Variants in FSIP2 observed in about 807,000 individuals in gnomAD.
FSIP2 encodes the protein fibrous sheath interacting protein 2, also known as fibrous sheath-interacting protein 2.
Under a neutral mutation model 510.5 loss-of-function variants are expected in FSIP2, and 367 were observed. That is an observed-to-expected ratio of 0.72 (90% CI 0.66 to 0.78). FSIP2 has a LOEUF of 0.78. Ranked by LOEUF, FSIP2 falls within the 30% of genes least tolerant of loss-of-function variation. The probability of loss-of-function intolerance (pLI) is 0.00; values close to 1 mark genes in which losing one functional copy is unlikely to be tolerated. For synonymous variants in FSIP2, 2,601 were observed against 2,732.2 expected (o/e 0.95, Z 1.50); for missense variants, 7,594 against 7,901.7 (o/e 0.96, Z 1.48).
Position 185,792,002 on chromosome 2 carries a change from A to T in FSIP2, c.4866A>T (p.Glu1622Asp). The T allele has an allele frequency of 6.5e-7, 1 of 1,533,922 alleles. No individual in the cohort carries two copies. The highest frequency in any genetic ancestry group is 8.7e-7 in the Non-Finnish European group (1 of 1,145,382). Residue 1622 changes from glutamate (E) to aspartate (D), a missense_variant, in exon 16 of 23, where the codon GAA becomes GAT. By Grantham distance (45) the Glu-to-Asp change is conservative. Coordinates refer to ENST00000424728, the MANE Select transcript of FSIP2 (RefSeq NM_173651.4). ...KKSNKIGWEY[E>D]STNISRDTHE... ...GCAATAAGATAGGCTGGGAATATGA[A>T]AGCACCAATATTTCCAGAGACACAC...
At position 185,761,037 on chromosome 2, in the gene FSIP2, T is replaced by C; in HGVS notation, c.1128T>C (p.Phe376=). The C allele has an allele frequency of 6.6e-7, 1 of 1,510,708 alleles. No homozygotes were observed. Among genetic ancestry groups the C allele is most frequent in the African/African-American group, 1.4e-5 (1 of 71,852 alleles). The allele number at this position is 1,510,708 out of a possible 1,614,324, so 93.6% of individuals were successfully genotyped here. The change falls in exon 10 of 23, where the codon TTT becomes TTC. Residue 376 remains phenylalanine (F), a synonymous_variant. Transcript: ENST00000424728. The part of the protein sequence containing the change: ...AHQRQNSSNN[F]TKKNSASVVY... ...AGCGTCAAAATAGTTCAAATAATTT[T>C]ACGAAAAAAAACTCAGCTTCTGTTG... is the stretch of plus-strand genomic sequence containing the variant.
chr2:185,824,062 T>C (rs1339455795), intron 19 of FSIP2, among the ~76,000 whole-genome samples: 2 of 151,768 alleles, frequency 1.3e-5, no homozygotes, highest in African/African-American at 4.8e-5. Flanking sequence ...AGAATAGTGG[T>C]TCCCAGGGGA....
chr2:185,801,397 G>A lies in FSIP2; in HGVS notation c.12091G>A (p.Glu4031Lys). ...AGTCACTGTTCTACGGAATGCTGAAGAAAGGCTGTGTTTTCCACCAGTTCA... is the reference window on the plus strand; with the variant it reads ...AGTCACTGTTCTACGGAATGCTGAAAAAAGGCTGTGTTTTCCACCAGTTCA... The part of the protein sequence containing the change: ...AQVTVLRNAE[E>K]RLCFPPVHTE... The change falls in exon 17 of 23, where the codon GAA becomes AAA. Residue 4031 changes from glutamate to lysine, a missense_variant. Glu to Lys is a moderately conservative substitution (Grantham distance 56). Coordinates refer to ENST00000424728, the MANE Select transcript of FSIP2 (RefSeq NM_173651.4). The A allele has an allele frequency of 2.0e-6, 3 of 1,534,162 alleles. No homozygotes were observed. Among genetic ancestry groups the A allele is most frequent in the Non-Finnish European group, 2.6e-6 (3 of 1,145,622 alleles).
intron 18 of FSIP2, 37 bp from the exon 19 acceptor site, chr2:185,815,334 C>T: frequency 1.1e-6 from 1 of 904,630 alleles, no homozygotes; most frequent in Non-Finnish European, 1.8e-6. Flanking sequence ...ATATCCCAAA[C>T]TCCATTTAGT....
chr2:185,744,581 C>T (rs551226050), intron 4 of FSIP2, 170 bp downstream of exon 4: 1 of 209,906 alleles, frequency 4.8e-6, no homozygotes, highest in East Asian at 9.3e-5. Context: ...TTTAATTTTG[C>T]TATAGTTGGC....
In FSIP2 at chr2:185,808,845, T is replaced by G. The variant is rs372414970; in HGVS notation, c.19539T>G (p.Ser6513=). The G allele has an allele frequency of 8.7e-6, 14 of 1,612,026 alleles. No homozygotes were observed. Among genetic ancestry groups the G allele is most frequent in the Non-Finnish European group, 9.3e-6 (11 of 1,179,210 alleles). The change falls in exon 17 of 23, where the codon TCT becomes TCG. Residue 6513 remains serine (S), a synonymous_variant. Coordinates refer to ENST00000424728, the MANE Select transcript of FSIP2 (RefSeq NM_173651.4). ...LEQEKLDQNL[S]EEESPIKIVP... The stretch of plus-strand genomic sequence containing the variant: ...AAGAAAAGTTAGATCAAAATTTATC[T>G]GAAGAGGAATCTCCAATTAAAATAG...
At position 185,789,844 on chromosome 2, in the gene FSIP2, CT is replaced by C; in HGVS notation, c.2710del (p.Tyr904IlefsTer2). ...ATTTTTTCCCAGTCTTCTTTGGTTGCTTATATAGAGGAAGCAATCAATGCTA... is the reference window on the plus strand; with the variant it reads ...ATTTTTTCCCAGTCTTCTTTGGTTGCTATATAGAGGAAGCAATCAATGCTA... Reference protein sequence around the residue: ...SNIFSQSSLVAYIEEAINAIL... With the variant: ...SNIFSQSSLVXYIEEAINAIL... On this transcript the variant is annotated frameshift_variant, in exon 16 of 23. Coordinates refer to ENST00000424728, the MANE Select transcript of FSIP2 (RefSeq NM_173651.4). LOFTEE classifies it high-confidence loss of function. The C allele has an allele frequency of 6.5e-7, 1 of 1,532,284 alleles. No homozygotes were observed. Among genetic ancestry groups the C allele is most frequent in the Non-Finnish European group, 8.7e-7 (1 of 1,144,170 alleles). 94.9% of individuals were successfully genotyped at this position (1,532,284 alleles called of 1,614,324 possible). A position where few individuals can be genotyped will look rare whatever the true frequency, so the allele number is the denominator to read the frequency against.
chr2:185,781,368 A>T (rs188494132), intron 13 of FSIP2, among the ~76,000 whole-genome samples: 1 of 152,358 alleles, frequency 6.6e-6, no homozygotes, highest in Admixed American at 6.5e-5. Context: ...AAGCATGCTA[A>T]GCTAAGCTAT....
chr2:185,788,156 C>T (rs1191014144), intron 15 of FSIP2: 1 of 151,980 alleles, frequency 6.6e-6, no homozygotes, highest in Non-Finnish European at 1.5e-5. Context: ...TGTTCCTTCC[C>T]CACATCTCAG....
At chr2:185,812,747 T>G (rs911086762) in intron 17 of FSIP2, among the ~76,000 whole-genome samples, 2 of 152,112 alleles carry the variant, frequency 1.3e-5, no homozygotes. Context: ...AAAATTTATT[T>G]TTAAAAAATT....
Position 185,804,608 on chromosome 2 carries a change from A to G in FSIP2, c.15302A>G (p.Lys5101Arg). 1 of 1,533,344 alleles carries G rather than the reference A, an allele frequency of 6.5e-7. No homozygotes were observed. Among genetic ancestry groups the G allele is most frequent in the Non-Finnish European group, 8.7e-7 (1 of 1,144,936 alleles). The allele number at this position is 1,533,344 out of a possible 1,614,324, so 95.0% of individuals were successfully genotyped here. Reference protein sequence around the residue: ...IIRNVLNIITKDSHALPPYIT... With the variant: ...IIRNVLNIITRDSHALPPYIT... ...AGAAATGTGCTTAACATAATCACAA[A>G]GGATAGCCATGCCTTGCCACCATAT... The change falls in exon 17 of 23, where the codon AAG (lysine) becomes AGG (arginine). Residue 5101 changes from lysine (K) to arginine (R), a missense_variant. Physicochemically the swap from Lys to Arg is conservative, Grantham distance 26. Transcript: ENST00000424728.
At chr2:185,787,694 C>T (rs1693022362) in intron 15 of FSIP2, among the ~76,000 whole-genome samples, 1 of 151,702 alleles carries the variant, frequency 6.6e-6, no homozygotes, top group South Asian at 2.1e-4. Context: ...TTTATTTCTA[C>T]CCATGGTCCA....
In FSIP2 at chr2:185,800,536, C is replaced by T. The variant is rs1693408499; in HGVS notation, c.11230C>T (p.Gln3744Ter). 1 of 1,528,746 alleles carries T rather than the reference C, an allele frequency of 6.5e-7. No individual in the cohort carries two copies. Among genetic ancestry groups the T allele is most frequent in the Non-Finnish European group, 8.7e-7 (1 of 1,144,060 alleles). The allele number at this position is 1,528,746 out of a possible 1,614,324, so 94.7% of individuals were successfully genotyped here. Residue 3744 changes from glutamine (Q) to a stop codon, truncating the protein, a stop_gained, in exon 17 of 23, where the codon CAG (glutamine) becomes TAG (stop). Transcript: ENST00000424728. LOFTEE classifies it high-confidence loss of function. ...QPNSILTNNL[Q>*]LSSKSVFLLN... Reference sequence around the variant, plus strand: ...TAATAGCATACTTACCAATAACCTACAGCTCTCCTCAAAATCAGTTTTTCT... The same window carrying T: ...TAATAGCATACTTACCAATAACCTATAGCTCTCCTCAAAATCAGTTTTTCT...
At position 185,833,149 on chromosome 2, in the gene FSIP2, A is replaced by G. The variant is rs1468999; in HGVS notation, c.20647A>G (p.Thr6883Ala). The change falls in exon 23 of 23, where the codon ACT (threonine) becomes GCT (alanine). Residue 6883 changes from threonine to alanine, a missense_variant. Coordinates refer to ENST00000424728, the MANE Select transcript of FSIP2 (RefSeq NM_173651.4). The stretch of plus-strand genomic sequence containing the variant: ...TAAAATGCTGACAAAAATGTCTTCA[A>G]CTTTGTCAAAGGTGTTTTCTCAATG... ...GSKMLTKMSS[T>A]LSKVFSQCNT... 1,592,255 of 1,610,874 alleles carry G rather than the reference A, an allele frequency of 0.99. 787,413 individuals carry two copies. The highest frequency in any genetic ancestry group is 1 in the Non-Finnish European group (1,176,328 of 1,177,876).
rs573208545 is a variant in FSIP2 at position 185,796,307 on chromosome 2, T to C, written c.9171T>C (p.Thr3057=). The C allele has an allele frequency of 3.5e-5, 53 of 1,533,642 alleles. No homozygotes were observed. The Admixed American group carries it at 1.0e-3, about 30-fold the overall frequency. ...KMFSDKSESN[T]INFKENIQNI... ...TTTCTGATAAATCCGAGTCAAATACTATTAATTTCAAGGAAAACATACAGA... is the reference window on the plus strand; with the variant it reads ...TTTCTGATAAATCCGAGTCAAATACCATTAATTTCAAGGAAAACATACAGA... Residue 3057 remains threonine (T), a synonymous_variant, in exon 16 of 23, where the codon ACT becomes ACC. Transcript: ENST00000424728.
intron 1 of FSIP2, 168 bp downstream of exon 1, chr2:185,739,161 C>A: frequency 8.7e-7 from 1 of 1,154,374 alleles, no homozygotes; most frequent in Non-Finnish European, 1.2e-6. Context: ...ACTGTACCGG[C>A]CGCAACTGGC....
intron 19 of FSIP2, among the ~76,000 whole-genome samples, chr2:185,822,872 A>G (rs1693949472): frequency 6.6e-6 from 1 of 151,944 alleles, no homozygotes; most frequent in South Asian, 2.1e-4. Flanking sequence ...AAGCAAAGAC[A>G]TGGAATAAAG....
chr2:185,796,252 T>A lies in FSIP2; in HGVS notation c.9116T>A (p.Met3039Lys). The change falls in exon 16 of 23, where the codon ATG becomes AAG. Residue 3039 changes from methionine to lysine, a missense_variant. By Grantham distance (95) the Met-to-Lys change is moderately conservative. Transcript: ENST00000424728. Reference protein sequence around the residue: ...SIQQKLLNKKMLPKLQPLKMF... With the variant: ...SIQQKLLNKKKLPKLQPLKMF... ...CAACAGAAACTGTTAAACAAAAAAA[T>A]GTTGCCAAAATTACAACCACTGAAA... The A allele has an allele frequency of 6.5e-7, 1 of 1,531,026 alleles. No homozygotes were observed. Among genetic ancestry groups the A allele is most frequent in the Non-Finnish European group, 8.7e-7 (1 of 1,145,054 alleles). The allele number at this position is 1,531,026 out of a possible 1,614,324, so 94.8% of individuals were successfully genotyped here.
rs982473266 is a variant in FSIP2, at chr2:185,793,626, C to T, written c.6490C>T (p.Leu2164Phe). 4 of 1,533,874 alleles carry T rather than the reference C, an allele frequency of 2.6e-6. No individual in the cohort carries two copies. The highest frequency in any genetic ancestry group is 2.6e-6 in the Non-Finnish European group (3 of 1,145,288). Residue 2164 changes from leucine (L) to phenylalanine (F), a missense_variant, in exon 16 of 23, where the codon CTT (leucine) becomes TTT (phenylalanine). Transcript: ENST00000424728. ...LISNDIVNIV[L>F]HNLSSAATLV... Reference sequence around the variant, plus strand: ...ATCCAATGATATAGTGAATATTGTTCTTCATAATCTCAGTTCTGCTGCCAC... The same window carrying T: ...ATCCAATGATATAGTGAATATTGTTTTTCATAATCTCAGTTCTGCTGCCAC...
Sources: allele counts gnomAD v4.1 joint callset (sites outside exome capture counted in the v4.1 genomes callset), GRCh38; gene constraint gnomAD v4.1.1; transcripts MANE v1.5; gene names NCBI Gene and HGNC (gene_info 2026-07-23, HGNC 2026-07-21).